Variants in GTF2IRD2B observed in about 807,000 individuals in gnomAD.
GTF2IRD2B encodes general transcription factor II-I repeat domain-containing protein 2B.
In GTF2IRD2B, 10 loss-of-function variants were observed where a neutral mutation model predicts 55.6. The observed-to-expected ratio is 0.18, with a 90% CI of 0.11 to 0.31. The LOEUF is 0.31. Ranked by LOEUF, GTF2IRD2B falls within the 10% of genes least tolerant of loss-of-function variation. The pLI is 1.00. For synonymous variants in GTF2IRD2B, 107 were observed against 320.5 expected (o/e 0.33, Z 7.12); for missense variants, 206 against 802.7 (o/e 0.26, Z 8.98).
At chr7:75,120,782 T>G (rs1584536588) in intron 3 of GTF2IRD2B, 109 bp from the exon 4 acceptor site, 2 of 1,552,170 alleles carry the variant, frequency 1.3e-6, no homozygotes, top group Non-Finnish European at 1.7e-6. Context: ...GATCTTGTTT[T>G]ATATTTATTC....
chr7:75,094,022 TCTC>T (rs1288381186), intron 1 of GTF2IRD2B: 4 of 20,578 alleles, frequency 1.9e-4, no homozygotes, highest in Middle Eastern at 6.3e-3. Flanking sequence ...AGCAGCCTCT[TCTC>T]CTCTTTGCTT....
intron 8 of GTF2IRD2B, among the ~76,000 whole-genome samples, chr7:75,130,102 T>C (rs1554535419): frequency 1.1e-3 from 109 of 97,996 alleles, no homozygotes; most frequent in Middle Eastern, 9.5e-3. Flanking sequence ...TCTTTCTTTC[T>C]TTCTTTCTTT....
At chr7:75,102,131 T>C (rs1554449596) in intron 1 of GTF2IRD2B, among the ~76,000 whole-genome samples, 1 of 148,880 alleles carries the variant, frequency 6.7e-6, no homozygotes, top group African/African-American at 2.4e-5. Flanking sequence ...GCCTCCCGAG[T>C]AGCTGGGACT....
chr7:75,133,669 A>G (rs1202674741), intron 9 of GTF2IRD2B, among the ~76,000 whole-genome samples: 5 of 148,940 alleles, frequency 3.4e-5, no homozygotes, highest in Non-Finnish European at 5.9e-5. Flanking sequence ...CAGCCTCCCA[A>G]GGAGGTGGGA....
chr7:75,146,017 A>ATTT (rs587651504), intron 15 of GTF2IRD2B, among the ~76,000 whole-genome samples: 14 of 56,064 alleles, frequency 2.5e-4, no homozygotes, highest in African/African-American at 9.2e-4. Flanking sequence ...TGCCCAGATA[A>ATTT]TTTTTTTTTT....
At chr7:75,102,603 G>C (rs868946370) in intron 1 of GTF2IRD2B, among the ~76,000 whole-genome samples, 5 of 151,442 alleles carry the variant, frequency 3.3e-5, no homozygotes, top group African/African-American at 1.2e-4. Flanking sequence ...AGGCTGCAGG[G>C]AGCCATGATC....
At chr7:75,122,734 TA>T (rs1419979605) in intron 4 of GTF2IRD2B, among the ~76,000 whole-genome samples, 7 of 117,190 alleles carry the variant, frequency 6.0e-5, no homozygotes, top group Non-Finnish European at 1.2e-4. Flanking sequence ...CCCTGTCTCT[TA>T]ATTAAAAACA....
chr7:75,123,742 G>A, intron 6 of GTF2IRD2B: 1 of 656,982 alleles, frequency 1.5e-6, no homozygotes, highest in South Asian at 1.7e-5. Flanking sequence ...GCCGGGCGTG[G>A]TGGCGGGCGC....
At chr7:75,105,585 AG>A (rs1182437667) in intron 1 of GTF2IRD2B, among the ~76,000 whole-genome samples, 4 of 152,308 alleles carry the variant, frequency 2.6e-5, no homozygotes, top group Non-Finnish European at 5.9e-5. Context: ...ATAGAGATAT[AG>A]AGATTTATAA....
chr7:75,117,671 G>A (rs1554537099), intron 3 of GTF2IRD2B, among the ~76,000 whole-genome samples: 6 of 152,298 alleles, frequency 3.9e-5, no homozygotes, highest in East Asian at 1.9e-4. Context: ...TGGGAGGATC[G>A]CTGGAGCCCA....
At chr7:75,126,638 C>G (rs1808518632) in intron 8 of GTF2IRD2B, among the ~76,000 whole-genome samples, 1 of 144,410 alleles carries the variant, frequency 6.9e-6, no homozygotes, top group African/African-American at 2.5e-5. Flanking sequence ...GAGGCTGAGG[C>G]TGCAGTGAGC....
chr7:75,104,152 T>G (rs9771381), intron 1 of GTF2IRD2B, among the ~76,000 whole-genome samples: 54,037 of 116,948 alleles, frequency 0.46, 12,849 homozygotes, highest in East Asian at 0.82. Context: ...AGATGGAATC[T>G]TACTCTGTTG....
chr7:75,139,552 T>G (rs1554453858), intron 12 of GTF2IRD2B, among the ~76,000 whole-genome samples: 1 of 117,320 alleles, frequency 8.5e-6, no homozygotes, highest in Non-Finnish European at 1.7e-5. Context: ...AAGAATGGCG[T>G]GAACCTGGGA....
At chr7:75,106,954 A>G (rs1206629738) in intron 1 of GTF2IRD2B, among the ~76,000 whole-genome samples, 4 of 151,296 alleles carry the variant, frequency 2.6e-5, no homozygotes, top group South Asian at 2.1e-4. Flanking sequence ...AAGCTAAAAA[A>G]AAAAAAAAAT....
intron 3 of GTF2IRD2B, among the ~76,000 whole-genome samples, chr7:75,119,866 G>A (rs587752079): frequency 2.0e-5 from 2 of 98,808 alleles, no homozygotes; most frequent in Non-Finnish European, 4.0e-5. Context: ...TGGTGGCTCA[G>A]GCCTGTAATC....
At chr7:75,106,512 T>C (rs1257990583) in intron 1 of GTF2IRD2B, among the ~76,000 whole-genome samples, 2 of 141,506 alleles carry the variant, frequency 1.4e-5, no homozygotes, top group African/African-American at 5.2e-5. Flanking sequence ...AGCTGACAGG[T>C]ACTTAATTTG....
At chr7:75,121,536 G>A (rs1398768458) in intron 4 of GTF2IRD2B, among the ~76,000 whole-genome samples, 93 of 144,758 alleles carry the variant, frequency 6.4e-4, no homozygotes, top group African/African-American at 2.3e-3. Context: ...TCAGCTCACT[G>A]TAAACTCTGC....
intron 8 of GTF2IRD2B, among the ~76,000 whole-genome samples, chr7:75,132,852 C>G (rs1808711379): frequency 6.7e-6 from 1 of 148,664 alleles, no homozygotes; most frequent in South Asian, 2.1e-4. Context: ...CGTGCCCGGT[C>G]CCCTCCTTCC....
intron 1 of GTF2IRD2B, among the ~76,000 whole-genome samples, chr7:75,101,696 C>A (rs1807564956): frequency 6.7e-6 from 1 of 150,202 alleles, no homozygotes; most frequent in African/African-American, 2.4e-5. Context: ...AGTTCAAGAC[C>A]AGCCTGGGCA....
Sources: allele counts gnomAD v4.1 joint callset (sites outside exome capture counted in the v4.1 genomes callset), GRCh38; gene constraint gnomAD v4.1.1; transcripts MANE v1.5; gene names NCBI Gene and HGNC (gene_info 2026-07-23, HGNC 2026-07-21).